CELF4: variants seen among roughly 807,000 people sequenced by gnomAD.
The protein encoded by CELF4 is CUGBP Elav-like family member 4.
In CELF4, 18 loss-of-function variants were observed where a neutral mutation model predicts 59.9. The observed-to-expected ratio is 0.30, with a 90% CI of 0.21 to 0.45. The LOEUF (loss-of-function observed/expected upper bound fraction) is 0.45. Among genes scored for constraint, CELF4 ranks in the 20% least tolerant of loss-of-function variants. CELF4 has a pLI of 1.00. For missense variants in CELF4, 456 were observed against 689.0 expected (o/e 0.66, Z 3.79); for synonymous variants, 261 against 267.1 (o/e 0.98, Z 0.22).
At chr18:37,348,017 G>A (rs2098327570) in intron 2 of CELF4, among the ~76,000 whole-genome samples, 1 of 152,138 alleles carries the variant, frequency 6.6e-6, no homozygotes, top group South Asian at 2.1e-4. Flanking sequence ...TTATGGGTGG[G>A]CCTGGTGCCT....
chr18:37,486,449 T>G (rs773018709), intron 1 of CELF4, among the ~76,000 whole-genome samples: 34 of 152,200 alleles, frequency 2.2e-4, no homozygotes, highest in Non-Finnish European at 4.6e-4. Flanking sequence ...ACTCAAGGGG[T>G]GACTTTTCAG....
chr18:37,384,108 G>T (rs1050114113), intron 2 of CELF4, among the ~76,000 whole-genome samples: 4 of 151,954 alleles, frequency 2.6e-5, no homozygotes, highest in Non-Finnish European at 4.4e-5. Flanking sequence ...GGGTGACAGA[G>T]AGATAGATAC....
chr18:37,506,233 G>C (rs1023847251), intron 1 of CELF4, among the ~76,000 whole-genome samples: 3 of 152,166 alleles, frequency 2.0e-5, no homozygotes, highest in African/African-American at 7.2e-5. Flanking sequence ...AATAACTCTT[G>C]TACATGGAGT....
intron 1 of CELF4, among the ~76,000 whole-genome samples, chr18:37,499,686 A>T (rs1358925447): frequency 1.3e-5 from 2 of 152,194 alleles, no homozygotes; most frequent in African/African-American, 4.8e-5. Context: ...GACTGGAAGC[A>T]TGGGGTGAGG....
intron 8 of CELF4, among the ~76,000 whole-genome samples, chr18:37,270,390 C>A (rs2090584919): frequency 6.6e-6 from 1 of 152,240 alleles, no homozygotes; most frequent in South Asian, 2.1e-4. Flanking sequence ...TTAACACTAA[C>A]CCTGATTGTT....
chr18:37,456,624 T>C (rs752005063), intron 2 of CELF4, among the ~76,000 whole-genome samples: 2 of 152,070 alleles, frequency 1.3e-5, no homozygotes, highest in Non-Finnish European at 2.9e-5. Context: ...TTCCTTTGGG[T>C]CGAAATTAGG....
At chr18:37,358,700 G>C (rs934340987) in intron 2 of CELF4, among the ~76,000 whole-genome samples, 1 of 152,238 alleles carries the variant, frequency 6.6e-6, no homozygotes, top group Non-Finnish European at 1.5e-5. Context: ...GCATGAAAGC[G>C]CGTAGGCTGT....
intron 3 of CELF4, 69 bp from the exon 4 acceptor site, chr18:37,275,312 A>G (rs201643599): frequency 8.3e-7 from 1 of 1,204,778 alleles, no homozygotes; most frequent in South Asian, 1.6e-5. Context: ...GCAAGGCCGG[A>G]GGGGGAGAGC....
intron 7 of CELF4, 83 bp downstream of exon 7, chr18:37,272,933 G>A (rs2091987078): frequency 5.8e-6 from 8 of 1,376,256 alleles, no homozygotes; most frequent in Middle Eastern, 2.6e-4. Flanking sequence ...AGAATGGTCC[G>A]CTGGTAGCTG....
chr18:37,351,428 G>A (rs2098438806), intron 2 of CELF4, among the ~76,000 whole-genome samples: 1 of 152,118 alleles, frequency 6.6e-6, no homozygotes, highest in Non-Finnish European at 1.5e-5. Context: ...ATACCAGAAT[G>A]ACTCTACCTG....
chr18:37,325,093 C>T (rs780025260), intron 2 of CELF4, among the ~76,000 whole-genome samples: 1 of 152,082 alleles, frequency 6.6e-6, no homozygotes, highest in African/African-American at 2.4e-5. Context: ...GGGAGGAAGG[C>T]CTGGCTGAGA....
chr18:37,275,071 C>G, intron 4 of CELF4, 44 bp downstream of exon 4: 2 of 1,604,206 alleles, frequency 1.2e-6, no homozygotes, highest in Non-Finnish European at 1.7e-6. Flanking sequence ...CCCTCCGCCT[C>G]GCCCCTCCCT....
chr18:37,485,650 C>T, intron 1 of CELF4, 43 bp from the exon 2 acceptor site: 1 of 1,294,200 alleles, frequency 7.7e-7, no homozygotes. Context: ...GTGGGGCGCC[C>T]CCGGGCCCGC....
intron 1 of CELF4, among the ~76,000 whole-genome samples, chr18:37,526,341 T>C (rs964040627): frequency 1.3e-5 from 2 of 152,210 alleles, no homozygotes; most frequent in East Asian, 1.9e-4. Flanking sequence ...ATGAACTTAT[T>C]TAGTACTTCT....
In CELF4 at chr18:37,450,439, TC is replaced by T. The variant is rs141092254; in HGVS notation, c.369+35085del. Among the ~76,000 whole-genome samples the T allele has an allele frequency of 2.2e-3, 340 of 151,376 alleles. 10 individuals are homozygous for T. The East Asian group carries it at 0.045, about 20-fold the overall frequency. On this transcript the variant is annotated intron_variant, in intron 2 of 12. Coordinates refer to ENST00000420428, the MANE Select transcript of CELF4 (RefSeq NM_020180.4). ...TCCCTCTCCCCTGCACCCCCTTCTTTCTCTCAGAACAGGAAGAGGCCTGCAA... is the reference window on the plus strand; with the variant it reads ...TCCCTCTCCCCTGCACCCCCTTCTTTTCTCAGAACAGGAAGAGGCCTGCAA...
At chr18:37,461,264 G>A (rs2099792707) in intron 2 of CELF4, among the ~76,000 whole-genome samples, 2 of 152,188 alleles carry the variant, frequency 1.3e-5, no homozygotes. Context: ...TGCTCATGCT[G>A]CTAATAAAGA....
Position 37,253,916 on chromosome 18 carries a change from C to T in CELF4, c.1356G>A (p.Pro452=), listed in dbSNP as rs766097831. The change falls in exon 12 of 13, where the codon CCG becomes CCA. Residue 452 remains proline (P), a synonymous_variant. Coordinates refer to ENST00000420428, the MANE Select transcript of CELF4 (RefSeq NM_020180.4). This position sits in a 1 kb window ranked among gnomAD's most constrained non-coding sequence, Gnocchi z 4.5. ...CCTGGATGGCGGTCTGCGCGCTGGC[C>T]GGGTTGTCGAAGCTCACGAAGCCTG... ...LPFGFVSFDN[P]ASAQTAIQAM... is the part of the protein sequence containing the mutation. 6.2e-7 allele frequency: 1 copy of T among 1,603,226 alleles called. No individual in the cohort carries two copies. Among genetic ancestry groups the T allele is most frequent in the Non-Finnish European group, 8.5e-7 (1 of 1,174,936 alleles).
intron 2 of CELF4, among the ~76,000 whole-genome samples, chr18:37,354,042 A>G (rs1253171911): frequency 6.6e-6 from 1 of 152,162 alleles, no homozygotes; most frequent in Non-Finnish European, 1.5e-5. Flanking sequence ...GGTGTGAGCC[A>G]CTGCGCCTGG....
In CELF4 at chr18:37,386,926, C is replaced by T. The variant is rs141488766; in HGVS notation, c.370-65045G>A. 2.6e-5 allele frequency among the ~76,000 whole-genome samples: 4 copies of T among 152,308 alleles called. No individual in the cohort carries two copies. The East Asian group carries it at 7.8e-4, about 30-fold the overall frequency. ...TCTGTAGGACAAGTTTGTACTCTCT[C>T]TCAGTGACCTGAAGAAGAAGCCACT... On this transcript the variant is annotated intron_variant, in intron 2 of 12. Transcript: ENST00000420428.
Sources: allele counts gnomAD v4.1 joint callset (sites outside exome capture counted in the v4.1 genomes callset), GRCh38; gene constraint gnomAD v4.1.1; non-coding constraint Gnocchi (gnomAD v3.1); transcripts MANE v1.5; gene names NCBI Gene and HGNC (gene_info 2026-07-23, HGNC 2026-07-21).